The following BCAS3 variants were observed in gnomAD, a reference collection of about 807,000 sequenced individuals.
The protein encoded by BCAS3 is BCAS4/BCAS3 fusion.
BCAS3 carries 53 observed loss-of-function variants against 116.1 expected under a neutral mutation model. The ratio of observed to expected loss-of-function variants is 0.46; its 90% CI spans 0.37 to 0.57. BCAS3 has a LOEUF of 0.57. BCAS3 is among the 20% of genes least tolerant of loss of function. The pLI, the probability that BCAS3 is intolerant of heterozygous loss-of-function variation, is 0.00. For synonymous variants in BCAS3, 391 were observed against 408.2 expected (o/e 0.96, Z 0.51); for missense variants, 917 against 1,165.4 (o/e 0.79, Z 3.10).
intron 9 of BCAS3, among the ~76,000 whole-genome samples, chr17:60,876,343 C>A (rs568827457): frequency 2.0e-5 from 3 of 152,114 alleles, no homozygotes; most frequent in South Asian, 4.2e-4. Context: ...CCTTTGTCTT[C>A]GTGACCAGAA....
Position 60,867,303 on chromosome 17 carries a change from G to A in BCAS3, c.477-1273G>A, listed in dbSNP as rs116826859. Among the ~76,000 whole-genome samples, 597 of 151,860 alleles carry A rather than the reference G, an allele frequency of 3.9e-3. 4 individuals carry two copies. Among genetic ancestry groups the A allele is most frequent in the African/African-American group, 0.014 (579 of 41,432 alleles). ...GTATTTTTAATAGAGATGGGGTGTC[G>A]CTGTGTTGGCCAGGCTGATCTGAAA... On this transcript the variant is annotated intron_variant, in intron 7 of 23. Transcript: ENST00000407086.
At chr17:61,076,569 A>G (rs1329312363) in intron 20 of BCAS3, among the ~76,000 whole-genome samples, 4 of 152,238 alleles carry the variant, frequency 2.6e-5, no homozygotes, top group African/African-American at 9.6e-5. Context: ...GCTGGCAGAG[A>G]AACCACTGTC....
rs2079999604 is a variant in BCAS3, at chr17:61,189,917, G to C, written c.2425+105353G>C. ...TGGAAGGTGAAAGGGAAAGTATGCA[G>C]AGTGAGAAAAATCGTGGGTCTAAGG... On this transcript the variant is annotated intron_variant, in intron 22 of 23. Transcript: ENST00000407086. This position sits in a 1 kb window ranked among gnomAD's most constrained non-coding sequence, Gnocchi z 4.5. Among the ~76,000 whole-genome samples, 1 of 152,198 alleles carries C rather than the reference G, an allele frequency of 6.6e-6. No individual in the cohort carries two copies. The highest frequency in any genetic ancestry group is 1.5e-5 in the Non-Finnish European group (1 of 68,032).
intron 10 of BCAS3, among the ~76,000 whole-genome samples, chr17:60,890,634 T>A (rs1256554557): frequency 6.6e-6 from 1 of 152,182 alleles, no homozygotes; most frequent in Non-Finnish European, 1.5e-5. Flanking sequence ...AGATACTATA[T>A]GCACTAGGAA....
intron 14 of BCAS3, among the ~76,000 whole-genome samples, chr17:60,971,450 A>G (rs757358698): frequency 6.6e-6 from 1 of 152,168 alleles, no homozygotes; most frequent in Non-Finnish European, 1.5e-5. Flanking sequence ...TGGCCCACCG[A>G]CATAGTTTTT....
rs1252975444 is a variant in BCAS3, at chr17:61,215,863, CTGAG to C, written c.2425+131301_2425+131304del. On this transcript the variant is annotated intron_variant, in intron 22 of 23. Transcript: ENST00000407086. The surrounding 1 kb of genome is among the most constrained non-coding windows in gnomAD (Gnocchi z 4.8). Reference sequence around the variant, plus strand: ...TAGGCATCAGTATTTTTCAGACTCCCTGAGTAATTCTAGTGTACAGCCAGATTTG... The same window carrying C: ...TAGGCATCAGTATTTTTCAGACTCCCTAATTCTAGTGTACAGCCAGATTTG... 3.9e-5 allele frequency among the ~76,000 whole-genome samples: 6 copies of C among 152,262 alleles called. No individual in the cohort carries two copies. In the East Asian group the frequency reaches 1.2e-3, roughly 29 times the overall value.
At chr17:60,748,026 A>G (rs1002067764) in intron 6 of BCAS3, among the ~76,000 whole-genome samples, 2 of 152,184 alleles carry the variant, frequency 1.3e-5, no homozygotes, top group Non-Finnish European at 1.5e-5. Context: ...ATGTTTTTGC[A>G]TGTACAGTGA....
chr17:60,958,039 G>A (rs893059455), intron 14 of BCAS3, among the ~76,000 whole-genome samples: 1 of 152,336 alleles, frequency 6.6e-6, no homozygotes, highest in African/African-American at 2.4e-5. Flanking sequence ...ACAAATGAGA[G>A]GATGCCTATG....
intron 2 of BCAS3, 124 bp downstream of exon 2, chr17:60,679,664 T>A (rs2032687381): frequency 1.3e-5 from 10 of 744,318 alleles, no homozygotes; most frequent in Non-Finnish European, 2.0e-5. Flanking sequence ...CTTTATGGGA[T>A]GAATAATAAT....
rs1302253129 is a variant in BCAS3 at position 61,065,185 on chromosome 17, G to C, written c.2030-9735G>C. Among the ~76,000 whole-genome samples the C allele has an allele frequency of 6.6e-6, 1 of 152,106 alleles. No homozygotes were observed. The highest frequency in any genetic ancestry group is 1.5e-5 in the Non-Finnish European group (1 of 68,004). On this transcript the variant is annotated intron_variant, in intron 19 of 23. Coordinates refer to ENST00000407086, the MANE Select transcript of BCAS3 (RefSeq NM_017679.5). The surrounding 1 kb of genome is among the most constrained non-coding windows in gnomAD (Gnocchi z 4.8). Reference sequence around the variant, plus strand: ...TCTCCAATTACTACGATTTAAATATGTTTGTTGGATATTATAATTCCTCCT... The same window carrying C: ...TCTCCAATTACTACGATTTAAATATCTTTGTTGGATATTATAATTCCTCCT...
In BCAS3 at chr17:60,995,694, GC is replaced by G. The variant is rs2063795526; in HGVS notation, c.1486+5460del. On this transcript the variant is annotated intron_variant, in intron 15 of 23. Transcript: ENST00000407086. The surrounding 1 kb of genome is among the most constrained non-coding windows in gnomAD (Gnocchi z 4.7). ...AAATAATTACTTGTTAGAATGAAGA[GC>G]TTTTTATTCATAGTAACAACTTAAA... Among the ~76,000 whole-genome samples the G allele has an allele frequency of 6.6e-6, 1 of 152,168 alleles. No homozygotes were observed. Among genetic ancestry groups the G allele is most frequent in the African/African-American group, 2.4e-5 (1 of 41,432 alleles).
chr17:61,061,192 C>G (rs2069990629), intron 19 of BCAS3, among the ~76,000 whole-genome samples: 1 of 152,160 alleles, frequency 6.6e-6, no homozygotes, highest in African/African-American at 2.4e-5. Flanking sequence ...AAGCTTTTGT[C>G]TCTCCATGCC....
rs1185352756 is a variant in BCAS3 at position 61,215,482 on chromosome 17, C to G, written c.2425+130918C>G. On this transcript the variant is annotated intron_variant, in intron 22 of 23. Coordinates refer to ENST00000407086, the MANE Select transcript of BCAS3 (RefSeq NM_017679.5). The surrounding 1 kb of genome is among the most constrained non-coding windows in gnomAD (Gnocchi z 4.8). ...ATTCTATGATATATTACTTGAAGAA[C>G]AGAGGCAACATTTAAATGTAAATTT... Among the ~76,000 whole-genome samples the G allele has an allele frequency of 6.6e-6, 1 of 152,170 alleles. No homozygotes were observed. Among genetic ancestry groups the G allele is most frequent in the East Asian group, 1.9e-4 (1 of 5,204 alleles).
rs1237388153 is a variant in BCAS3 at position 61,325,993 on chromosome 17, C to T, written c.2426-42334C>T. ...GTGTTGTCATACATTACTAAGCACCCACCATTCATTTGTTTGGCATCCATC... is the reference window on the plus strand; with the variant it reads ...GTGTTGTCATACATTACTAAGCACCTACCATTCATTTGTTTGGCATCCATC... On this transcript the variant is annotated intron_variant, in intron 22 of 23. Coordinates refer to ENST00000407086, the MANE Select transcript of BCAS3 (RefSeq NM_017679.5). This position sits in a 1 kb window ranked among gnomAD's most constrained non-coding sequence, Gnocchi z 6.4. Among the ~76,000 whole-genome samples, 1 of 152,158 alleles carries T rather than the reference C, an allele frequency of 6.6e-6. No individual in the cohort carries two copies. Among genetic ancestry groups the T allele is most frequent in the Non-Finnish European group, 1.5e-5 (1 of 68,026 alleles).
intron 4 of BCAS3, among the ~76,000 whole-genome samples, chr17:60,707,613 G>A (rs1381110597): frequency 6.6e-6 from 1 of 152,154 alleles, no homozygotes; most frequent in African/African-American, 2.4e-5. Flanking sequence ...TGCCTCATAG[G>A]GAGGAAGCAT....
chr17:61,119,518 A>C (rs564393224), intron 22 of BCAS3, among the ~76,000 whole-genome samples: 6 of 152,142 alleles, frequency 3.9e-5, no homozygotes, highest in Non-Finnish European at 5.9e-5. Flanking sequence ...TAGAAATAGA[A>C]AGATGTCTTC....
intron 8 of BCAS3, 53 bp downstream of exon 8, chr17:60,868,736 G>A: frequency 9.0e-7 from 1 of 1,112,616 alleles, no homozygotes; most frequent in Non-Finnish European, 1.3e-6. Context: ...TGCTCTCCTG[G>A]GCATGGAGAA....
chr17:61,170,740 C>T (rs374534814), intron 22 of BCAS3, among the ~76,000 whole-genome samples: 26 of 152,218 alleles, frequency 1.7e-4, no homozygotes, highest in East Asian at 1.2e-3. Flanking sequence ...AGGTGGAGTG[C>T]AGCAGTCTTC....
At chr17:60,937,215 C>T (rs2059979493) in intron 13 of BCAS3, among the ~76,000 whole-genome samples, 2 of 151,912 alleles carry the variant, frequency 1.3e-5, no homozygotes, top group South Asian at 4.2e-4. Flanking sequence ...CTTTTTTTTA[C>T]CCCTCACCAT....
Sources: allele counts gnomAD v4.1 joint callset (sites outside exome capture counted in the v4.1 genomes callset), GRCh38; gene constraint gnomAD v4.1.1; non-coding constraint Gnocchi (gnomAD v3.1); transcripts MANE v1.5; gene names NCBI Gene and HGNC (gene_info 2026-07-23, HGNC 2026-07-21).